The following SLC2A13 variants were observed in gnomAD, a reference collection of about 807,000 sequenced individuals.
The protein encoded by SLC2A13 is solute carrier family 2 member 13, also known as proton myo-inositol cotransporter.
SLC2A13 carries 32 observed loss-of-function variants against 64.4 expected under a neutral mutation model. The ratio of observed to expected loss-of-function variants is 0.50; its 90% confidence interval spans 0.37 to 0.67. The LOEUF (loss-of-function observed/expected upper bound fraction) is 0.67. Among genes scored for constraint, SLC2A13 ranks in the 30% least tolerant of loss-of-function variants. The pLI is 0.00. For missense variants in SLC2A13, 743 were observed against 829.2 expected (o/e 0.90, Z 1.28); for synonymous variants, 338 against 327.1 (o/e 1.03, Z -0.36).
chr12:39,886,278 A>T (rs1215338251), intron 4 of SLC2A13, among the ~76,000 whole-genome samples: 9 of 152,190 alleles, frequency 5.9e-5, no homozygotes, highest in African/African-American at 2.2e-4. Context: ...TGATGCGGGC[A>T]TATTGACAGC....
intron 3 of SLC2A13, among the ~76,000 whole-genome samples, chr12:39,985,509 GA>G (rs1297686008): frequency 3.3e-5 from 5 of 152,100 alleles, no homozygotes; most frequent in African/African-American, 4.8e-5. Context: ...AAAGAGAAAT[GA>G]AAGGTATAAA....
At chr12:39,994,174 G>T (rs923750408) in intron 3 of SLC2A13, among the ~76,000 whole-genome samples, 1 of 151,828 alleles carries the variant, frequency 6.6e-6, no homozygotes. Context: ...CGGATCACGA[G>T]GTCAGGAGAT....
chr12:39,806,543 G>A (rs1007570314), intron 7 of SLC2A13, among the ~76,000 whole-genome samples: 2 of 152,120 alleles, frequency 1.3e-5, no homozygotes, highest in South Asian at 2.1e-4. Context: ...TCCACAAAAA[G>A]TCATGTTCTC....
intron 1 of SLC2A13, among the ~76,000 whole-genome samples, chr12:40,071,593 T>C (rs1380582781): frequency 1.3e-5 from 2 of 152,186 alleles, no homozygotes; most frequent in Non-Finnish European, 2.9e-5. Context: ...AGTTTCTCTC[T>C]TAAATCTTTG....
At position 39,780,562 on chromosome 12, in the gene SLC2A13, G is replaced by GACTC. The variant is rs762352059; in HGVS notation, c.1446-15708_1446-15705dup. ...CTCTGTGTCCTGTATATTCTCTTTT[G>GACTC]ACTCAGTATCCATTTGGCCCCAAAA... On this transcript the variant is annotated intron_variant, in intron 7 of 9. Coordinates refer to ENST00000280871, the MANE Select transcript of SLC2A13 (RefSeq NM_052885.4). Among the ~76,000 whole-genome samples, 26 of 152,128 alleles carry GACTC rather than the reference G, an allele frequency of 1.7e-4. 1 individual carries two copies. The highest frequency in any genetic ancestry group is 2.8e-4 in the Non-Finnish European group (19 of 68,020).
At chr12:40,015,539 T>A (rs1947607685) in intron 3 of SLC2A13, among the ~76,000 whole-genome samples, 1 of 152,184 alleles carries the variant, frequency 6.6e-6, no homozygotes, top group African/African-American at 2.4e-5. Flanking sequence ...TCTGGAAATG[T>A]ACTACCACTT....
intron 1 of SLC2A13, among the ~76,000 whole-genome samples, chr12:40,058,688 C>A (rs1382044394): frequency 1.3e-5 from 2 of 152,130 alleles, no homozygotes; most frequent in East Asian, 1.9e-4. Flanking sequence ...AAATGGCAGG[C>A]ACTAATTATG....
intron 1 of SLC2A13, among the ~76,000 whole-genome samples, chr12:40,076,031 T>TC (rs1938157932): frequency 6.6e-6 from 1 of 152,218 alleles, no homozygotes; most frequent in African/African-American, 2.4e-5. Flanking sequence ...GTGTGATAAA[T>TC]CCACCATCTG....
intron 1 of SLC2A13, among the ~76,000 whole-genome samples, chr12:40,093,943 TC>T (rs1228498961): frequency 1.3e-5 from 2 of 152,046 alleles, no homozygotes; most frequent in Non-Finnish European, 2.9e-5. Flanking sequence ...TCATTCTGGC[TC>T]TCATGTGTAT....
At chr12:39,804,433 T>A (rs926606672) in intron 7 of SLC2A13, among the ~76,000 whole-genome samples, 11 of 152,192 alleles carry the variant, frequency 7.2e-5, no homozygotes, top group African/African-American at 2.4e-4. Flanking sequence ...GGTAAGAGTT[T>A]AACATTCATT....
At chr12:40,104,781 T>C (rs1441964143) in intron 1 of SLC2A13, among the ~76,000 whole-genome samples, 1 of 152,160 alleles carries the variant, frequency 6.6e-6, no homozygotes, top group African/African-American at 2.4e-5. Context: ...CTAAATATTA[T>C]CTCACTGTAA....
chr12:39,850,269 T>G (rs1047931425), intron 6 of SLC2A13, among the ~76,000 whole-genome samples: 1 of 152,180 alleles, frequency 6.6e-6, no homozygotes, highest in African/African-American at 2.4e-5. Flanking sequence ...TTCTATTGTA[T>G]TGATATATTT....
intron 1 of SLC2A13, among the ~76,000 whole-genome samples, chr12:40,079,034 A>C (rs1302305326): frequency 6.6e-6 from 1 of 152,064 alleles, no homozygotes; most frequent in Non-Finnish European, 1.5e-5. Context: ...TTATTGGTCT[A>C]GCTAACAGTC....
intron 3 of SLC2A13, among the ~76,000 whole-genome samples, chr12:40,002,350 C>G (rs1405294091): frequency 6.6e-6 from 1 of 152,074 alleles, no homozygotes; most frequent in African/African-American, 2.4e-5. Context: ...AGTCCCAATT[C>G]ACACCCAGCT....
chr12:39,849,664 G>A (rs535370060), intron 6 of SLC2A13, among the ~76,000 whole-genome samples: 5 of 152,148 alleles, frequency 3.3e-5, no homozygotes, highest in Admixed American at 3.3e-4. Context: ...CTCTCTGACA[G>A]GATAATTACC....
At chr12:39,888,804 A>C (rs7297386) in intron 4 of SLC2A13, among the ~76,000 whole-genome samples, 100,992 of 152,006 alleles carry the variant, frequency 0.66, 33,712 homozygotes, top group South Asian at 0.75. Flanking sequence ...ATAATATTAT[A>C]TTAATAACTG....
chr12:39,883,823 T>C (rs1483501609), intron 4 of SLC2A13, among the ~76,000 whole-genome samples: 1 of 152,106 alleles, frequency 6.6e-6, no homozygotes, highest in Non-Finnish European at 1.5e-5. Flanking sequence ...AATCACAAAC[T>C]GGGAAAAGAG....
chr12:40,024,232 A>C (rs771043233), intron 3 of SLC2A13, among the ~76,000 whole-genome samples: 3 of 151,474 alleles, frequency 2.0e-5, no homozygotes, highest in Non-Finnish European at 3.0e-5. Flanking sequence ...TTTGTATTTA[A>C]ATTTGCTTTC....
At chr12:40,081,989 T>C (rs1468434818) in intron 1 of SLC2A13, among the ~76,000 whole-genome samples, 1 of 152,202 alleles carries the variant, frequency 6.6e-6, no homozygotes, top group African/African-American at 2.4e-5. Flanking sequence ...GCTCTAACCC[T>C]GGGGACCTGG....
Sources: allele counts gnomAD v4.1 joint callset (sites outside exome capture counted in the v4.1 genomes callset), GRCh38; gene constraint gnomAD v4.1.1; transcripts MANE v1.5; gene names NCBI Gene and HGNC (gene_info 2026-07-23, HGNC 2026-07-21).